The following CHCHD6 variants were observed in gnomAD, a reference collection of about 807,000 sequenced individuals.
The protein encoded by CHCHD6 is MICOS complex subunit MIC25.
In CHCHD6, 28 loss-of-function variants were observed where a neutral mutation model predicts 32.3. The ratio of observed to expected loss-of-function variants is 0.87; its 90% CI spans 0.64 to 1.19. The LOEUF (loss-of-function observed/expected upper bound fraction) is 1.19, where lower values mean the gene tolerates loss of function less well. Ranked by LOEUF, CHCHD6 falls within the 50% of genes most tolerant of loss-of-function variation. CHCHD6 has a pLI of 0.00. For missense variants in CHCHD6, 333 were observed against 307.0 expected, an observed-to-expected ratio of 1.08 and a Z score of -0.63; for synonymous variants, 122 against 117.5, an observed-to-expected ratio of 1.04 and a Z score of -0.25.
At chr3:126,731,708 G>T (rs1935811338) in intron 3 of CHCHD6, among the ~76,000 whole-genome samples, 1 of 152,124 alleles carries the variant, frequency 6.6e-6, no homozygotes, top group African/African-American at 2.4e-5. Context: ...GTTCAGCCAT[G>T]TTGGGTCTGT....
chr3:126,807,520 A>C (rs894770440), intron 4 of CHCHD6, among the ~76,000 whole-genome samples: 1 of 152,162 alleles, frequency 6.6e-6, no homozygotes, highest in African/African-American at 2.4e-5. Flanking sequence ...AAACATTAGG[A>C]AAATTGGAGT....
chr3:126,805,430 A>G (rs867289982), intron 4 of CHCHD6, among the ~76,000 whole-genome samples: 7 of 152,130 alleles, frequency 4.6e-5, no homozygotes, highest in African/African-American at 1.2e-4. Context: ...GAGCCAAATC[A>G]TGAGTGAACT....
chr3:126,838,436 A>G (rs1356191527), intron 4 of CHCHD6, among the ~76,000 whole-genome samples: 1 of 152,194 alleles, frequency 6.6e-6, no homozygotes, highest in African/African-American at 2.4e-5. Flanking sequence ...CCTAGGGTCA[A>G]CAATGCCTGT....
At chr3:126,723,119 A>C (rs1935382541) in intron 1 of CHCHD6, among the ~76,000 whole-genome samples, 1 of 152,148 alleles carries the variant, frequency 6.6e-6, no homozygotes, top group Non-Finnish European at 1.5e-5. Context: ...CATAGAGATA[A>C]AGGTTTCTTT....
chr3:126,783,277 G>A (rs750174630), intron 4 of CHCHD6, among the ~76,000 whole-genome samples: 3 of 152,090 alleles, frequency 2.0e-5, no homozygotes, highest in Non-Finnish European at 4.4e-5. Flanking sequence ...GATAAAAATC[G>A]TCAGCATTCA....
chr3:126,769,549 G>T (rs1047535444), intron 4 of CHCHD6, among the ~76,000 whole-genome samples: 1 of 152,032 alleles, frequency 6.6e-6, no homozygotes, highest in Non-Finnish European at 1.5e-5. Flanking sequence ...TGTTGCCCAC[G>T]CTAGAGTGCA....
At chr3:126,816,271 A>T (rs762922550) in intron 4 of CHCHD6, among the ~76,000 whole-genome samples, 3 of 152,026 alleles carry the variant, frequency 2.0e-5, no homozygotes, top group African/African-American at 4.8e-5. Flanking sequence ...CTGAGCACTG[A>T]GCCAGGCACA....
chr3:126,818,560 T>G (rs1426317921), intron 4 of CHCHD6, among the ~76,000 whole-genome samples: 1 of 152,244 alleles, frequency 6.6e-6, no homozygotes, highest in Non-Finnish European at 1.5e-5. Flanking sequence ...CCCAGTATTC[T>G]GTAATAGGAA....
At chr3:126,934,810 G>A (rs537223655) in intron 6 of CHCHD6, among the ~76,000 whole-genome samples, 5 of 152,148 alleles carry the variant, frequency 3.3e-5, no homozygotes, top group Non-Finnish European at 5.9e-5. Flanking sequence ...CGGCCTCCCA[G>A]AGTGCTGGGA....
intron 4 of CHCHD6, among the ~76,000 whole-genome samples, chr3:126,764,224 T>TATATATATATAA (rs1491585281): frequency 1.4e-5 from 2 of 144,014 alleles, no homozygotes; most frequent in African/African-American, 5.3e-5. Context: ...TATATATATA[T>TATATATATATAA]AAATATATGA....
chr3:126,902,530 C>T (rs1346034842), intron 5 of CHCHD6, among the ~76,000 whole-genome samples: 3 of 152,050 alleles, frequency 2.0e-5, no homozygotes, highest in South Asian at 4.2e-4. Context: ...TCCTGGCTAA[C>T]ATGGTGAAAC....
At chr3:126,706,719 T>C (rs1224714665) in intron 1 of CHCHD6, among the ~76,000 whole-genome samples, 1 of 152,074 alleles carries the variant, frequency 6.6e-6, no homozygotes, top group Admixed American at 6.5e-5. Context: ...AAGGATGTTT[T>C]GGTGTAGAGG....
At chr3:126,897,981 G>A (rs1219840978) in intron 5 of CHCHD6, among the ~76,000 whole-genome samples, 1 of 152,224 alleles carries the variant, frequency 6.6e-6, no homozygotes, top group East Asian at 1.9e-4. Flanking sequence ...AACTCCTGCA[G>A]GGTCTCCATG....
chr3:126,727,032 C>T (rs1935564249), intron 1 of CHCHD6, 46 bp from the exon 2 acceptor site: 1 of 1,401,392 alleles, frequency 7.1e-7, no homozygotes, highest in Admixed American at 1.7e-5. Context: ...CTTCCAGGCA[C>T]TTCTGTGACA....
intron 4 of CHCHD6, among the ~76,000 whole-genome samples, chr3:126,797,085 G>A (rs1286595124): frequency 6.6e-5 from 10 of 152,206 alleles, no homozygotes; most frequent in Admixed American, 6.5e-4. Context: ...AGGTGGAAGA[G>A]TGAGTGGTGC....
chr3:126,788,183 T>TGATCAC (rs1938325259), intron 4 of CHCHD6, among the ~76,000 whole-genome samples: 1 of 152,200 alleles, frequency 6.6e-6, no homozygotes, highest in Non-Finnish European at 1.5e-5. Context: ...GCCCACTTGA[T>TGATCAC]CATGGTGGAT....
chr3:126,827,424 A>G (rs1940442903), intron 4 of CHCHD6, among the ~76,000 whole-genome samples: 1 of 152,238 alleles, frequency 6.6e-6, no homozygotes, highest in African/African-American at 2.4e-5. Flanking sequence ...AGGAGTGTGT[A>G]GCAGGAAAAG....
chr3:126,858,132 C>G (rs1941725715), intron 5 of CHCHD6, among the ~76,000 whole-genome samples: 1 of 152,278 alleles, frequency 6.6e-6, no homozygotes, highest in African/African-American at 2.4e-5. Flanking sequence ...GTTGGAACTC[C>G]AGACACACTG....
intron 1 of CHCHD6, among the ~76,000 whole-genome samples, chr3:126,714,440 C>T (rs1053374183): frequency 1.3e-5 from 2 of 152,276 alleles, no homozygotes; most frequent in East Asian, 3.9e-4. Flanking sequence ...CATCTAATTT[C>T]AGCTCATAGA....
Sources: gnomAD v4.1 joint callset for allele counts (sites outside exome capture counted in the v4.1 genomes callset) on GRCh38, gnomAD v4.1.1 for gene constraint, MANE v1.5 for transcripts, NCBI Gene and HGNC (gene_info 2026-07-23, HGNC 2026-07-21) for gene names.